FHIT: variants seen among roughly 807,000 people sequenced by gnomAD.
FHIT encodes the protein fragile histidine triad diadenosine triphosphatase.
Under a neutral mutation model 17.9 loss-of-function variants are expected in FHIT, and 19 were observed. That is an observed-to-expected ratio of 1.06 (90% CI 0.74 to 1.56). The LOEUF (loss-of-function observed/expected upper bound fraction) is 1.56. Among genes scored for constraint, FHIT ranks in the 40% most tolerant of loss-of-function variants. The pLI, the probability that FHIT is intolerant of heterozygous loss-of-function variation, is 0.00. For synonymous variants in FHIT, 81 were observed against 69.7 expected, an observed-to-expected ratio of 1.16 and a Z score of -0.81; for missense variants, 248 against 189.2, an observed-to-expected ratio of 1.31 and a Z score of -1.82.
chr3:60,131,187 G>C (rs1289527281), intron 5 of FHIT, among the ~76,000 whole-genome samples: 1 of 150,080 alleles, frequency 6.7e-6, no homozygotes, highest in Non-Finnish European at 1.5e-5. Flanking sequence ...TGATATGAAT[G>C]GTATAGTATT....
At chr3:60,437,442 A>C (rs771889337) in intron 5 of FHIT, among the ~76,000 whole-genome samples, 16 of 152,128 alleles carry the variant, frequency 1.1e-4, no homozygotes, top group Admixed American at 9.8e-4. Context: ...AGCTCCATTT[A>C]TCATTCATTT....
chr3:60,815,449 G>C (rs1359083292), intron 4 of FHIT, among the ~76,000 whole-genome samples: 2 of 152,112 alleles, frequency 1.3e-5, no homozygotes, highest in Non-Finnish European at 2.9e-5. Flanking sequence ...TCATTCTTCT[G>C]TATATGGCTA....
At chr3:60,151,712 T>A (rs989927006) in intron 5 of FHIT, among the ~76,000 whole-genome samples, 2 of 152,166 alleles carry the variant, frequency 1.3e-5, no homozygotes, top group Non-Finnish European at 2.9e-5. Flanking sequence ...GCTTTAAACC[T>A]TCCTACCTCT....
At chr3:59,996,047 CA>C (rs1192110467) in intron 7 of FHIT, among the ~76,000 whole-genome samples, 1 of 151,978 alleles carries the variant, frequency 6.6e-6, no homozygotes, top group Non-Finnish European at 1.5e-5. Flanking sequence ...GTGTTTTCAT[CA>C]CAGAAATTGA....
chr3:60,170,560 G>T (rs1701373036), intron 5 of FHIT, among the ~76,000 whole-genome samples: 1 of 152,060 alleles, frequency 6.6e-6, no homozygotes, highest in South Asian at 2.1e-4. Flanking sequence ...GACAAGAGAT[G>T]ATGTGAGAAG....
intron 4 of FHIT, among the ~76,000 whole-genome samples, chr3:60,731,642 A>G (rs967596346): frequency 6.6e-6 from 1 of 152,074 alleles, no homozygotes; most frequent in Non-Finnish European, 1.5e-5. Context: ...TACACCAGTT[A>G]AACTCCACCA....
chr3:61,008,436 A>G (rs2031585801), intron 3 of FHIT, among the ~76,000 whole-genome samples: 1 of 152,072 alleles, frequency 6.6e-6, no homozygotes, highest in Non-Finnish European at 1.5e-5. Context: ...CTGCACTACA[A>G]TTCTCCCTGC....
chr3:60,984,076 G>A (rs1710611557), intron 3 of FHIT, among the ~76,000 whole-genome samples: 2 of 152,160 alleles, frequency 1.3e-5, no homozygotes, highest in South Asian at 4.1e-4. Context: ...CCAGAAATCA[G>A]CGTCTGTGGA....
In FHIT at chr3:59,922,403, G is replaced by A. The variant is rs1185161315; in HGVS notation, c.291C>T (p.Val97=). ...CTCCAGCCTTCCTGGGAAGAACATGGACGTGAACGTGCTGAAAATGTACAA... is the reference window on the plus strand; with the variant it reads ...CTCCAGCCTTCCTGGGAAGAACATGAACGTGAACGTGCTGAAAATGTACAA... The part of the protein sequence containing the change: ...EAGQTVKHVH[V]HVLPRKAGDF... Residue 97 remains valine (V), a synonymous_variant, in exon 8 of 10, where the codon GTC becomes GTT. Transcript: ENST00000492590. The A allele has an allele frequency of 3.1e-6, 5 of 1,613,298 alleles. No individual in the cohort carries two copies. Among genetic ancestry groups the A allele is most frequent in the Non-Finnish European group, 4.2e-6 (5 of 1,179,700 alleles).
chr3:60,444,312 A>T (rs1453884037), intron 5 of FHIT, among the ~76,000 whole-genome samples: 1 of 152,188 alleles, frequency 6.6e-6, no homozygotes, highest in African/African-American at 2.4e-5. Flanking sequence ...TAGAACTAGA[A>T]ATACCATTTG....
At position 60,032,321 on chromosome 3, in the gene FHIT, G is replaced by A. The variant is rs539494322; in HGVS notation, c.104-18169C>T. Among the ~76,000 whole-genome samples the A allele has an allele frequency of 9.1e-4, 138 of 152,106 alleles. 2 individuals carry two copies. In the South Asian group the frequency reaches 0.017, roughly 19 times the overall value. On this transcript the variant is annotated intron_variant, in intron 5 of 9. Coordinates refer to ENST00000492590, the MANE Select transcript of FHIT (RefSeq NM_002012.4). Reference sequence around the variant, plus strand: ...AAAAAAATTAGCTGGGCATAGTGGCGTGCACGTGTGGTCTCAGCTACTCAG... The same window carrying A: ...AAAAAAATTAGCTGGGCATAGTGGCATGCACGTGTGGTCTCAGCTACTCAG...
intron 3 of FHIT, among the ~76,000 whole-genome samples, chr3:61,022,838 C>T (rs556971582): frequency 6.6e-6 from 1 of 152,022 alleles, no homozygotes; most frequent in South Asian, 2.1e-4. Context: ...ATTGATGGAA[C>T]AGATCTCAAA....
At chr3:60,276,540 T>C (rs930931363) in intron 5 of FHIT, among the ~76,000 whole-genome samples, 10 of 152,204 alleles carry the variant, frequency 6.6e-5, no homozygotes, top group Non-Finnish European at 1.3e-4. Context: ...AGTGTTTGTG[T>C]CACGAGCGAA....
chr3:61,232,916 C>T (rs971364881), intron 1 of FHIT, among the ~76,000 whole-genome samples: 1 of 151,946 alleles, frequency 6.6e-6, no homozygotes, highest in Non-Finnish European at 1.5e-5. Flanking sequence ...GTGTATTGTA[C>T]AATATCTTTA....
intron 4 of FHIT, among the ~76,000 whole-genome samples, chr3:60,585,350 G>A (rs1428332793): frequency 6.6e-6 from 1 of 151,986 alleles, no homozygotes; most frequent in Non-Finnish European, 1.5e-5. Context: ...TTTGGAGTCA[G>A]ACACAGGTGC....
chr3:61,215,796 G>C (rs1481917169), intron 1 of FHIT, among the ~76,000 whole-genome samples: 1 of 152,130 alleles, frequency 6.6e-6, no homozygotes, highest in African/African-American at 2.4e-5. Context: ...GCAAAACAGA[G>C]ATATAGATCA....
At chr3:60,377,953 A>G (rs1052920756) in intron 5 of FHIT, among the ~76,000 whole-genome samples, 13 of 152,192 alleles carry the variant, frequency 8.5e-5, no homozygotes, top group African/African-American at 3.1e-4. Flanking sequence ...AATGGTTTAA[A>G]TATGTTAGAC....
intron 5 of FHIT, among the ~76,000 whole-genome samples, chr3:60,381,841 G>A (rs184951596): frequency 1.7e-3 from 263 of 151,860 alleles, no homozygotes; most frequent in Non-Finnish European, 3.1e-3. Flanking sequence ...TGGGTATGGC[G>A]TGTTCAGAAC....
At chr3:60,104,635 A>G (rs1704333022) in intron 5 of FHIT, among the ~76,000 whole-genome samples, 1 of 152,170 alleles carries the variant, frequency 6.6e-6, no homozygotes, top group Admixed American at 6.5e-5. Context: ...GATGAAAATA[A>G]CAATGAAACA....
Sources: allele counts gnomAD v4.1 joint callset (sites outside exome capture counted in the v4.1 genomes callset), GRCh38; gene constraint gnomAD v4.1.1; transcripts MANE v1.5; gene names NCBI Gene and HGNC (gene_info 2026-07-23, HGNC 2026-07-21).